ADAMTSL3: variants seen among roughly 807,000 people sequenced by gnomAD.
ADAMTSL3 encodes the protein ADAMTS-like protein 3.
In ADAMTSL3, 128 loss-of-function variants were observed where a neutral mutation model predicts 201.7. That is an observed-to-expected ratio of 0.63 (90% CI 0.55 to 0.73). The LOEUF is 0.73. Ranked by LOEUF, ADAMTSL3 falls within the 30% of genes least tolerant of loss-of-function variation. ADAMTSL3 has a pLI of 0.00. For missense variants in ADAMTSL3, 1,990 were observed against 2,119.6 expected (o/e 0.94, Z 1.20); for synonymous variants, 738 against 748.4 (o/e 0.99, Z 0.23).
chr15:83,996,456 T>A (rs115789558), intron 23 of ADAMTSL3, among the ~76,000 whole-genome samples: 1 of 152,072 alleles, frequency 6.6e-6, no homozygotes, highest in Non-Finnish European at 1.5e-5. Context: ...AGAAATAGCT[T>A]CTCTGAATCA....
chr15:83,662,588 A>AAAAG (rs747247387), intron 2 of ADAMTSL3, among the ~76,000 whole-genome samples: 1 of 133,342 alleles, frequency 7.5e-6, no homozygotes, highest in East Asian at 2.2e-4. Flanking sequence ...AAAAAGAAAA[A>AAAAG]AAAGAAAGAA....
chr15:83,838,124 C>T lies in ADAMTSL3; in HGVS notation c.636C>T (p.Ala212=). 1.2e-6 allele frequency: 2 copies of T among 1,612,452 alleles called. No homozygotes were observed. Among genetic ancestry groups the T allele is most frequent in the Non-Finnish European group, 1.7e-6 (2 of 1,179,450 alleles). The change falls in exon 7 of 30, where the codon GCC becomes GCT. Residue 212 remains alanine, a synonymous_variant. Transcript: ENST00000286744. ...GCGATCGGCAACTGGGAAGCAATGC[C>T]AAGGAGGACAACTGTGGAGTCTGTG... ...VGCDRQLGSN[A]KEDNCGVCAG...
intron 19 of ADAMTSL3, among the ~76,000 whole-genome samples, chr15:83,963,126 T>A (rs2142099402): frequency 6.6e-6 from 1 of 152,156 alleles, no homozygotes; most frequent in East Asian, 1.9e-4. Flanking sequence ...TGCAGGAGGT[T>A]TTTTTCATAC....
intron 3 of ADAMTSL3, among the ~76,000 whole-genome samples, chr15:83,735,803 G>A (rs554726984): frequency 4.5e-4 from 68 of 152,098 alleles, no homozygotes; most frequent in African/African-American, 1.6e-3. Flanking sequence ...GAAGCCCCAC[G>A]TTTAACACAC....
intron 23 of ADAMTSL3, among the ~76,000 whole-genome samples, chr15:83,993,220 G>A (rs1356115872): frequency 1.3e-5 from 2 of 152,136 alleles, no homozygotes; most frequent in Admixed American, 1.3e-4. Context: ...GAAAACTTGA[G>A]TTTTACAGAC....
intron 6 of ADAMTSL3, among the ~76,000 whole-genome samples, chr15:83,827,763 A>C (rs954438880): frequency 1.8e-4 from 28 of 152,124 alleles, no homozygotes; most frequent in African/African-American, 6.8e-4. Context: ...AGCACCATTT[A>C]TTAAATAGAG....
intron 23 of ADAMTSL3, among the ~76,000 whole-genome samples, chr15:83,993,755 A>C (rs2067627357): frequency 2.0e-5 from 3 of 152,148 alleles, no homozygotes; most frequent in Non-Finnish European, 4.4e-5. Context: ...TTGCTCTTTA[A>C]AAAAAAGTTT....
chr15:83,865,359 G>A (rs535901638), intron 8 of ADAMTSL3, among the ~76,000 whole-genome samples: 11 of 152,020 alleles, frequency 7.2e-5, no homozygotes, highest in Non-Finnish European at 1.5e-4. Flanking sequence ...CTGACTTCAA[G>A]CTATACTACA....
intron 17 of ADAMTSL3, among the ~76,000 whole-genome samples, chr15:83,935,219 T>C (rs2066440825): frequency 6.6e-6 from 1 of 152,186 alleles, no homozygotes; most frequent in African/African-American, 2.4e-5. Flanking sequence ...GAGAGAATCA[T>C]ATTAAATTCT....
In ADAMTSL3 at chr15:83,722,904, A is replaced by G. The variant is rs1326828616; in HGVS notation, c.189+18396A>G. Among the ~76,000 whole-genome samples, 3 of 152,184 alleles carry G rather than the reference A, an allele frequency of 2.0e-5. 1 individual carries two copies. Among genetic ancestry groups the G allele is most frequent in the Admixed American group, 2.0e-4 (3 of 15,276 alleles). ...AAATAAAAAATTTAACCATAAAAAC[A>G]TAAAAATACCATGAAAGTAAATACT... On this transcript the variant is annotated intron_variant, in intron 3 of 29. Transcript: ENST00000286744.
intron 3 of ADAMTSL3, among the ~76,000 whole-genome samples, chr15:83,753,750 C>T (rs1046926011): frequency 1.3e-5 from 2 of 151,466 alleles, no homozygotes; most frequent in Non-Finnish European, 2.9e-5. Flanking sequence ...AAATTAAGAG[C>T]TTTCTATGGT....
intron 3 of ADAMTSL3, among the ~76,000 whole-genome samples, chr15:83,742,467 A>G (rs2062472357): frequency 1.3e-5 from 2 of 152,208 alleles, no homozygotes; most frequent in Admixed American, 1.3e-4. Flanking sequence ...TATAAACAAA[A>G]GCAGAAATTC....
rs553776685 is a variant in ADAMTSL3, at chr15:83,878,746, T to C, written c.961-6355T>C. On this transcript the variant is annotated intron_variant, in intron 9 of 29. Transcript: ENST00000286744. The stretch of plus-strand genomic sequence containing the variant: ...GTTTTTGTTGTTGTTTTGGTACCTA[T>C]GTGAAGGAAAGGGTTTGCTTGTTTG... Among the ~76,000 whole-genome samples the C allele has an allele frequency of 9.2e-5, 14 of 152,174 alleles. No individual in the cohort carries two copies. The South Asian group carries it at 2.9e-3, about 32-fold the overall frequency.
chr15:84,008,055 C>G (rs1567298366), intron 23 of ADAMTSL3, among the ~76,000 whole-genome samples: 1 of 152,174 alleles, frequency 6.6e-6, no homozygotes, highest in Non-Finnish European at 1.5e-5. Flanking sequence ...TAGCTATTGT[C>G]AAGGTCACCA....
chr15:83,874,725 G>A lies in ADAMTSL3; in HGVS notation c.960+3766G>A, dbSNP rs1266345654. Among the ~76,000 whole-genome samples the A allele has an allele frequency of 1.4e-5, 2 of 143,620 alleles. 1 individual carries two copies. The highest frequency in any genetic ancestry group is 3.0e-5 in the Non-Finnish European group (2 of 66,258). 94.2% of individuals were successfully genotyped at this position (143,620 alleles called of 152,430 possible). A position where few individuals can be genotyped will look rare whatever the true frequency, so the allele number is the denominator to read the frequency against. On this transcript the variant is annotated intron_variant, in intron 9 of 29. Coordinates refer to ENST00000286744, the MANE Select transcript of ADAMTSL3 (RefSeq NM_207517.3). The stretch of plus-strand genomic sequence containing the variant: ...CCACACCACCGAGAACGTGCAGCAA[G>A]ACAAGAATGACAGTGTCGAGGGACT...
intron 4 of ADAMTSL3, among the ~76,000 whole-genome samples, chr15:83,792,799 A>T (rs2141829876): frequency 6.6e-6 from 1 of 152,248 alleles, no homozygotes; most frequent in East Asian, 1.9e-4. Context: ...CTCAAAAAAA[A>T]AAAAAAAATC....
chr15:83,798,290 C>G (rs550322172), intron 4 of ADAMTSL3, among the ~76,000 whole-genome samples: 15 of 152,298 alleles, frequency 9.8e-5, no homozygotes, highest in African/African-American at 3.4e-4. Context: ...CCAAATTTGC[C>G]TGCTCCCTGA....
chr15:83,693,928 C>G (rs186388479), intron 2 of ADAMTSL3, among the ~76,000 whole-genome samples: 1 of 152,274 alleles, frequency 6.6e-6, no homozygotes, highest in East Asian at 1.9e-4. Context: ...GATTCTCCCC[C>G]CGCAACCATT....
intron 2 of ADAMTSL3, among the ~76,000 whole-genome samples, chr15:83,679,780 G>A (rs549043234): frequency 4.6e-5 from 7 of 152,252 alleles, no homozygotes; most frequent in Admixed American, 4.6e-4. Context: ...ATTTGTGAGG[G>A]AGAGGAGCAC....
Sources: allele counts gnomAD v4.1 joint callset (sites outside exome capture counted in the v4.1 genomes callset), GRCh38; gene constraint gnomAD v4.1.1; transcripts MANE v1.5; gene names NCBI Gene and HGNC (gene_info 2026-07-23, HGNC 2026-07-21).